TMEM117: variants seen among roughly 807,000 people sequenced by gnomAD.
TMEM117 encodes the protein transmembrane protein 117.
TMEM117 carries 27 observed loss-of-function variants against 52.4 expected under a neutral mutation model. The ratio of observed to expected loss-of-function variants is 0.51; its 90% CI spans 0.38 to 0.71. TMEM117 has a LOEUF of 0.71. Ranked by LOEUF, TMEM117 falls within the 30% of genes least tolerant of loss-of-function variation. The pLI, the probability that TMEM117 is intolerant of heterozygous loss-of-function variation, is 0.00. For synonymous variants in TMEM117, 215 were observed against 206.3 expected (o/e 1.04, Z -0.36); for missense variants, 556 against 630.5 (o/e 0.88, Z 1.26).
the TMEM117 span, among the ~76,000 whole-genome samples, chr12:43,803,324 A>G: frequency 1.3e-5 from 2 of 152,150 alleles, no homozygotes; most frequent in East Asian, 3.8e-4. Flanking sequence ...AGAACTCCCA[A>G]TTGTAGTTGC....
chr12:44,247,415 TA>T (rs1950144251), intron 5 of TMEM117, among the ~76,000 whole-genome samples: 1 of 152,362 alleles, frequency 6.6e-6, no homozygotes, highest in African/African-American at 2.4e-5. Flanking sequence ...AACAAGGATA[TA>T]TTTTTTCTTG....
chr12:44,344,020 C>T (rs1357164466), intron 6 of TMEM117, among the ~76,000 whole-genome samples: 1 of 152,050 alleles, frequency 6.6e-6, no homozygotes, highest in East Asian at 1.9e-4. Flanking sequence ...GGTTGGTTGC[C>T]TGGCTTGTTC....
At chr12:44,395,229 T>G in the TMEM117 span, among the ~76,000 whole-genome samples, 1 of 152,200 alleles carries the variant, frequency 6.6e-6, no homozygotes, top group Non-Finnish European at 1.5e-5. Context: ...CATGTTGAAC[T>G]TCAAATACAC....
At chr12:43,795,837 AAAT>A in the TMEM117 span, 12 of 1,372,440 alleles carry the variant, frequency 8.7e-6, no homozygotes, top group African/African-American at 1.7e-4. Context: ...GAATGCTCAC[AAAT>A]AATACCCTTT....
At chr12:43,802,398 A>G in the TMEM117 span, 11 of 1,606,702 alleles carry the variant, frequency 6.8e-6, no homozygotes, top group African/African-American at 1.3e-5. Context: ...CAGGGGTAAA[A>G]CAAAGGAATC....
intron 6 of TMEM117, among the ~76,000 whole-genome samples, chr12:44,352,467 C>T (rs1009270938): frequency 1.3e-5 from 2 of 151,982 alleles, no homozygotes; most frequent in Non-Finnish European, 2.9e-5. Context: ...CACAACAGTC[C>T]CCGGAGTGTG....
At chr12:44,305,242 T>C (rs1183345548) in intron 6 of TMEM117, among the ~76,000 whole-genome samples, 1 of 98,258 alleles carries the variant, frequency 1.0e-5, no homozygotes, top group Non-Finnish European at 2.0e-5. Context: ...GACATTGGCT[T>C]TGGCAAAGAA....
At chr12:44,024,451 AT>A (rs1430792849) in intron 3 of TMEM117, among the ~76,000 whole-genome samples, 1 of 152,188 alleles carries the variant, frequency 6.6e-6, no homozygotes, top group African/African-American at 2.4e-5. Context: ...GCATGTACTG[AT>A]GAGAACAAGT....
chr12:43,825,312 T>C, the TMEM117 span, among the ~76,000 whole-genome samples: 1 of 152,234 alleles, frequency 6.6e-6, no homozygotes, highest in South Asian at 2.1e-4. Context: ...TTTTAAGGAA[T>C]ATTGATTTCA....
intron 2 of TMEM117, among the ~76,000 whole-genome samples, chr12:43,852,701 T>C (rs1943331681): frequency 6.6e-6 from 1 of 152,234 alleles, no homozygotes. Flanking sequence ...CAAGTTACTT[T>C]GACTGAATAG....
At chr12:44,158,416 A>G (rs1393528769) in intron 4 of TMEM117, among the ~76,000 whole-genome samples, 2 of 152,176 alleles carry the variant, frequency 1.3e-5, no homozygotes, top group Admixed American at 1.3e-4. Context: ...AGAAGCTCAG[A>G]TCCCTGATAT....
At chr12:44,306,354 T>A (rs376348752) in intron 6 of TMEM117, among the ~76,000 whole-genome samples, 1 of 152,204 alleles carries the variant, frequency 6.6e-6, no homozygotes, top group African/African-American at 2.4e-5. Context: ...CTACTCATAT[T>A]TCTATATCAA....
At chr12:44,016,879 A>G (rs556875796) in intron 3 of TMEM117, among the ~76,000 whole-genome samples, 1 of 152,314 alleles carries the variant, frequency 6.6e-6, no homozygotes, top group East Asian at 1.9e-4. Flanking sequence ...GGGACTCAGA[A>G]AAGTGCATTT....
chr12:43,835,102 T>C (rs912696784), upstream of TMEM117, among the ~76,000 whole-genome samples: 6 of 152,208 alleles, frequency 3.9e-5, no homozygotes, highest in African/African-American at 1.4e-4. Context: ...CCACAAAATA[T>C]TAGCATGCTG....
the TMEM117 span, among the ~76,000 whole-genome samples, chr12:43,810,735 T>G: frequency 2.5e-4 from 38 of 152,330 alleles, no homozygotes; most frequent in African/African-American, 9.1e-4. Context: ...AAACTACTCT[T>G]TGGAGCTGCC....
chr12:44,203,974 G>A (rs1167391213), intron 4 of TMEM117, among the ~76,000 whole-genome samples: 1 of 152,088 alleles, frequency 6.6e-6, no homozygotes, highest in Non-Finnish European at 1.5e-5. Context: ...TGCTTAAGGG[G>A]CAAAATATGG....
chr12:43,971,404 T>G lies in TMEM117; in HGVS notation c.410+27062T>G, dbSNP rs193058880. Reference sequence around the variant, plus strand: ...TAAGTAACGGCCCCAGCTTATCTCATTATTCTGCTCTTTTGTAATTTTTGC... The same window carrying G: ...TAAGTAACGGCCCCAGCTTATCTCAGTATTCTGCTCTTTTGTAATTTTTGC... On this transcript the variant is annotated intron_variant, in intron 3 of 7. Coordinates refer to ENST00000266534, the MANE Select transcript of TMEM117 (RefSeq NM_032256.3). Among the ~76,000 whole-genome samples the G allele has an allele frequency of 2.8e-3, 422 of 152,332 alleles. 4 individuals are homozygous for G. The highest frequency in any genetic ancestry group is 9.5e-3 in the African/African-American group (397 of 41,584).
chr12:44,183,742 G>A (rs1385074249), intron 4 of TMEM117, among the ~76,000 whole-genome samples: 1 of 152,184 alleles, frequency 6.6e-6, no homozygotes, highest in Non-Finnish European at 1.5e-5. Context: ...GAAGAGGTGG[G>A]AAAGGGGGCG....
intron 5 of TMEM117, among the ~76,000 whole-genome samples, chr12:44,258,885 G>A (rs1451336021): frequency 6.6e-6 from 1 of 152,050 alleles, no homozygotes; most frequent in African/African-American, 2.4e-5. Flanking sequence ...TAGCTACTGA[G>A]CACTTGAAAT....
Sources: allele counts gnomAD v4.1 joint callset (sites outside exome capture counted in the v4.1 genomes callset), GRCh38; gene constraint gnomAD v4.1.1; transcripts MANE v1.5; gene names NCBI Gene and HGNC (gene_info 2026-07-23, HGNC 2026-07-21).